Variants in CCDC171 observed in about 807,000 individuals in gnomAD.
The protein encoded by CCDC171 is coiled-coil domain containing 171.
CCDC171 carries 177 observed loss-of-function variants against 168.2 expected under a neutral mutation model. That is an observed-to-expected ratio of 1.05 (90% confidence interval 0.93 to 1.19). CCDC171 has a LOEUF of 1.19. CCDC171 is among the 50% of genes most tolerant of loss of function. The pLI, the probability that CCDC171 is intolerant of heterozygous loss-of-function variation, is 0.00. For synonymous variants in CCDC171, 687 were observed against 540.8 expected (o/e 1.27, Z -3.75); for missense variants, 1,991 against 1,539.0 (o/e 1.29, Z -4.91).
intron 6 of CCDC171, among the ~76,000 whole-genome samples, chr9:15,608,781 C>G (rs71513238): frequency 6.9e-6 from 1 of 144,922 alleles, no homozygotes; most frequent in African/African-American, 2.6e-5. Context: ...GACACTCTCT[C>G]TATGAAAAAA....
intron 2 of CCDC171, among the ~76,000 whole-genome samples, chr9:15,564,845 A>C (rs1463217342): frequency 6.6e-6 from 1 of 152,246 alleles, no homozygotes; most frequent in Non-Finnish European, 1.5e-5. Flanking sequence ...ATCTAAGAGT[A>C]AAACATTTGG....
intron 24 of CCDC171, among the ~76,000 whole-genome samples, chr9:15,909,495 C>A (rs1823292373): frequency 6.6e-6 from 1 of 152,088 alleles, no homozygotes; most frequent in African/African-American, 2.4e-5. Flanking sequence ...CCTTCTTACA[C>A]AACTTTTTAC....
intron 21 of CCDC171, among the ~76,000 whole-genome samples, chr9:15,793,551 GTTTTT>G (rs3082839): frequency 1.4e-4 from 11 of 77,054 alleles, no homozygotes; most frequent in Admixed American, 5.3e-4. Context: ...TTATTCCAAG[GTTTTT>G]TTTTTTTTTT....
At chr9:15,685,581 G>A (rs1457321994) in intron 10 of CCDC171, among the ~76,000 whole-genome samples, 1 of 152,070 alleles carries the variant, frequency 6.6e-6, no homozygotes, top group African/African-American at 2.4e-5. Context: ...GCTGCAGTGA[G>A]CCATGATTAC....
chr9:15,788,484 G>A (rs954798040), intron 21 of CCDC171, among the ~76,000 whole-genome samples: 56 of 108,646 alleles, frequency 5.2e-4, no homozygotes, highest in African/African-American at 1.9e-3. Flanking sequence ...AAGATCATGA[G>A]TAGAAGATAT....
At chr9:16,008,889 G>C (rs1033535970) in intron 3 of CCDC171, among the ~76,000 whole-genome samples, 1 of 152,062 alleles carries the variant, frequency 6.6e-6, no homozygotes, top group Admixed American at 6.5e-5. Flanking sequence ...TCCCACCCTA[G>C]CCCTCTGGCC....
In CCDC171 at chr9:15,590,111, A is replaced by T. The variant is rs1031116226; in HGVS notation, c.353-1255A>T. Among the ~76,000 whole-genome samples, 19 of 152,190 alleles carry T rather than the reference A, an allele frequency of 1.2e-4. 1 individual carries two copies. The highest frequency in any genetic ancestry group is 4.6e-4 in the African/African-American group (19 of 41,446). ...AGAAAAGAAAAATAGGTCAAATGCAAAGGATCAGGAGTCAAAATGGCCTCA... is the reference window on the plus strand; with the variant it reads ...AGAAAAGAAAAATAGGTCAAATGCATAGGATCAGGAGTCAAAATGGCCTCA... On this transcript the variant is annotated intron_variant, in intron 4 of 25. Transcript: ENST00000380701.
chr9:15,690,873 G>T (rs2050730937), intron 10 of CCDC171, among the ~76,000 whole-genome samples: 1 of 152,050 alleles, frequency 6.6e-6, no homozygotes. Context: ...AATACAGATG[G>T]CTAGTGAACA....
intron 18 of CCDC171, among the ~76,000 whole-genome samples, chr9:15,745,998 A>G (rs1404197565): frequency 1.3e-5 from 2 of 152,146 alleles, no homozygotes; most frequent in African/African-American, 4.8e-5. Flanking sequence ...CTTGAGTAAT[A>G]TGAGAGCCAG....
chr9:15,918,861 A>T (rs2131968074), intron 24 of CCDC171, among the ~76,000 whole-genome samples: 1 of 151,778 alleles, frequency 6.6e-6, no homozygotes, highest in South Asian at 2.1e-4. Flanking sequence ...GGCATTTTAT[A>T]ACAATATATG....
intron 7 of CCDC171, among the ~76,000 whole-genome samples, chr9:15,623,622 T>C (rs2044762133): frequency 6.6e-6 from 1 of 152,116 alleles, no homozygotes; most frequent in Non-Finnish European, 1.5e-5. Flanking sequence ...AATTTTTGTA[T>C]CTGAGTATTT....
At chr9:15,718,451 A>C (rs760453406) in intron 11 of CCDC171, among the ~76,000 whole-genome samples, 1 of 152,218 alleles carries the variant, frequency 6.6e-6, no homozygotes, top group South Asian at 2.1e-4. Context: ...CTACCTGCTT[A>C]TTGTAGAGCC....
At chr9:15,933,475 C>T (rs571786552) in intron 25 of CCDC171, among the ~76,000 whole-genome samples, 3 of 151,752 alleles carry the variant, frequency 2.0e-5, no homozygotes, top group Non-Finnish European at 4.4e-5. Context: ...GTTTATTAAT[C>T]TTTTAAATTA....
At chr9:16,046,251 A>T (rs527914090) in intron 1 of CCDC171, among the ~76,000 whole-genome samples, 21 of 152,200 alleles carry the variant, frequency 1.4e-4, no homozygotes, top group Admixed American at 3.9e-4. Flanking sequence ...ACCAATCGAG[A>T]AGTAAAATGG....
intron 11 of CCDC171, among the ~76,000 whole-genome samples, chr9:15,717,701 C>T (rs958104706): frequency 3.9e-5 from 6 of 152,204 alleles, no homozygotes; most frequent in African/African-American, 1.4e-4. Context: ...CAGGCCTTAG[C>T]TCCCAGATGA....
chr9:15,894,654 GCA>G (rs1407653589), intron 24 of CCDC171, among the ~76,000 whole-genome samples: 1 of 151,888 alleles, frequency 6.6e-6, no homozygotes, highest in East Asian at 1.9e-4. Context: ...TGAACACAGT[GCA>G]CATAGGCCCA....
chr9:16,003,241 CT>C (rs765472750), intron 3 of CCDC171, among the ~76,000 whole-genome samples: 2 of 152,180 alleles, frequency 1.3e-5, no homozygotes, highest in East Asian at 1.9e-4. Flanking sequence ...CTCTTGGTGT[CT>C]CTCGAATAAT....
At chr9:16,085,829 G>A in the CCDC171 span, among the ~76,000 whole-genome samples, 1 of 152,142 alleles carries the variant, frequency 6.6e-6, no homozygotes, top group Non-Finnish European at 1.5e-5. Context: ...AAATATAATA[G>A]AGACCACAAA....
chr9:15,936,369 T>A (rs1228445545), intron 25 of CCDC171, among the ~76,000 whole-genome samples: 1 of 151,832 alleles, frequency 6.6e-6, no homozygotes, highest in African/African-American at 2.4e-5. Flanking sequence ...GTTTTAAGAG[T>A]TGACATCCTG....
Sources: gnomAD v4.1 joint callset for allele counts (sites outside exome capture counted in the v4.1 genomes callset) on GRCh38, gnomAD v4.1.1 for gene constraint, MANE v1.5 for transcripts, NCBI Gene and HGNC (gene_info 2026-07-23, HGNC 2026-07-21) for gene names.